CLHC1: variants seen among roughly 807,000 people sequenced by gnomAD.
CLHC1 encodes the protein clathrin heavy chain linker domain containing 1, also known as clathrin heavy chain linker domain-containing protein 1.
Under a neutral mutation model 69.5 loss-of-function variants are expected in CLHC1, and 72 were observed. The observed-to-expected ratio is 1.04, with a 90% CI of 0.86 to 1.26. CLHC1 has a LOEUF of 1.26. CLHC1 is among the 50% of genes most tolerant of loss of function. The pLI is 0.00. For missense variants in CLHC1, 790 were observed against 679.3 expected, an observed-to-expected ratio of 1.16 and a Z score of -1.81; for synonymous variants, 223 against 224.3, an observed-to-expected ratio of 0.99 and a Z score of 0.05.
In CLHC1 at chr2:55,228,090, T is replaced by A. The variant is rs1170621518; in HGVS notation, c.-141A>T. 2.6e-5 allele frequency: 4 copies of A among 152,296 alleles called. No homozygotes were observed. Among genetic ancestry groups the A allele is most frequent in the Admixed American group, 2.6e-4 (4 of 15,274 alleles). 9.4% of individuals were successfully genotyped at this position (152,296 alleles called of 1,614,324 possible). A position where few individuals can be genotyped will look rare whatever the true frequency, so the allele number is the denominator to read the frequency against. ...CTGTCCTGGATTCCCTTAAAATTGG[T>A]CAGATGCCACTGCTATGTTCTCCCA... On this transcript the variant is annotated 5_prime_UTR_variant, in exon 2 of 13. The change abolishes the stop of an existing upstream ORF in the 5' untranslated region. Transcript: ENST00000401408.
At chr2:55,182,180 G>T (rs1670000087) in intron 9 of CLHC1, among the ~76,000 whole-genome samples, 1 of 152,012 alleles carries the variant, frequency 6.6e-6, no homozygotes, top group Non-Finnish European at 1.5e-5. Flanking sequence ...GAGAACAAAA[G>T]GTGCAGCTGC....
At chr2:55,216,677 C>G (rs1425042608) in intron 4 of CLHC1, among the ~76,000 whole-genome samples, 1 of 150,400 alleles carries the variant, frequency 6.6e-6, no homozygotes, top group Non-Finnish European at 1.5e-5. Context: ...GGGACCACAC[C>G]CAGCTAATTT....
chr2:55,202,689 G>A (rs1302360391), intron 9 of CLHC1, among the ~76,000 whole-genome samples: 2 of 152,002 alleles, frequency 1.3e-5, no homozygotes, highest in African/African-American at 4.8e-5. Flanking sequence ...TTGAGGTCAG[G>A]AGTTCAAGAC....
Position 55,177,710 on chromosome 2 carries a change from C to T in CLHC1, c.1456G>A (p.Glu486Lys). Residue 486 changes from glutamate (E) to lysine (K), a missense_variant, in exon 12 of 13, where the codon GAG becomes AAG. Transcript: ENST00000401408. ...LIQCLTKELN[E>K]KQPSLSFGLA... ...CCAAAAGATAAAGATGGTTGTTTCT[C>T]ATTCAACTCTTTAGTGAGACACTGA... is the stretch of plus-strand genomic sequence containing the variant. 6.2e-7 allele frequency: 1 copy of T among 1,613,108 alleles called. No homozygotes were observed. Among genetic ancestry groups the T allele is most frequent in the Non-Finnish European group, 8.5e-7 (1 of 1,179,268 alleles).
intron 2 of CLHC1, chr2:55,224,553 G>A: frequency 3.5e-6 from 1 of 285,426 alleles, no homozygotes; most frequent in Non-Finnish European, 7.2e-6. Context: ...CTGCCACAGG[G>A]CGACATGCAC....
intron 9 of CLHC1, among the ~76,000 whole-genome samples, chr2:55,187,771 A>G (rs1234040612): frequency 6.6e-6 from 1 of 152,194 alleles, no homozygotes; most frequent in South Asian, 2.1e-4. Flanking sequence ...GGACTTTTAC[A>G]TAATACATAA....
At chr2:55,188,860 T>C (rs1670663338) in intron 9 of CLHC1, among the ~76,000 whole-genome samples, 1 of 152,136 alleles carries the variant, frequency 6.6e-6, no homozygotes, top group South Asian at 2.1e-4. Flanking sequence ...CAGGAACACA[T>C]GCAGGATTAA....
In CLHC1 at chr2:55,173,326, T is replaced by C. The variant is rs6545476; in HGVS notation, c.*2464A>G. Among the ~76,000 whole-genome samples the C allele has an allele frequency of 0.98, 148,651 of 152,344 alleles. 72,562 individuals carry two copies. Among genetic ancestry groups the C allele is most frequent in the African/African-American group, 0.99 (41,190 of 41,574 alleles). On this transcript the variant is annotated 3_prime_UTR_variant, in exon 13 of 13. Coordinates refer to ENST00000401408, the MANE Select transcript of CLHC1 (RefSeq NM_152385.4). ...TATTATTAGTAACTTTTAAAATACG[T>C]TGTGTGTTTCCATTAAGGTTGTAAT...
chr2:55,194,255 C>T (rs995267075), intron 9 of CLHC1, among the ~76,000 whole-genome samples: 1 of 151,770 alleles, frequency 6.6e-6, no homozygotes, highest in Admixed American at 6.6e-5. Flanking sequence ...GGAGTTTTTC[C>T]CACAAAGGCA....
intron 1 of CLHC1, among the ~76,000 whole-genome samples, chr2:55,230,084 A>G (rs1431200778): frequency 6.6e-6 from 1 of 152,238 alleles, no homozygotes; most frequent in African/African-American, 2.4e-5. Flanking sequence ...AAAAAAAGAA[A>G]AAAAAGAATT....
intron 2 of CLHC1, chr2:55,224,497 C>T (rs2164714): frequency 0.42 from 149,109 of 358,288 alleles, 33,490 homozygotes; most frequent in East Asian, 0.49. Context: ...GGCTGTGTGG[C>T]CAGTGTACTC....
chr2:55,199,239 G>C lies in CLHC1; in HGVS notation c.1006+7031C>G, dbSNP rs370373013. On this transcript the variant is annotated intron_variant, in intron 9 of 12. Coordinates refer to ENST00000401408, the MANE Select transcript of CLHC1 (RefSeq NM_152385.4). ...TTGAACCCAGGAGGTGGAGGTTGCA[G>C]TGAGCTGAGATCATGCCACTGCACT... 7.6e-5 allele frequency among the ~76,000 whole-genome samples: 10 copies of C among 131,892 alleles called. No homozygotes were observed. In the East Asian group the frequency reaches 1.4e-3, roughly 18 times the overall value. The allele number at this position is 131,892 out of a possible 152,430, so 86.5% of individuals were successfully genotyped here. A position where few individuals can be genotyped will look rare whatever the true frequency, so the allele number is the denominator to read the frequency against.
Position 55,174,524 on chromosome 2 carries a change from C to T in CLHC1, c.*1266G>A, listed in dbSNP as rs1286128275. Among the ~76,000 whole-genome samples the T allele has an allele frequency of 6.6e-6, 1 of 152,172 alleles. No individual in the cohort carries two copies. Among genetic ancestry groups the T allele is most frequent in the Non-Finnish European group, 1.5e-5 (1 of 68,028 alleles). On this transcript the variant is annotated 3_prime_UTR_variant, in exon 13 of 13. Coordinates refer to ENST00000401408, the MANE Select transcript of CLHC1 (RefSeq NM_152385.4). ...TACAGCTATCTTTTCCTAAGTTCCT[C>T]TATCATGTTATACACTTACACTACA...
intron 2 of CLHC1, chr2:55,224,700 A>G: frequency 3.8e-6 from 1 of 261,692 alleles, no homozygotes. Context: ...GAAGACTGGA[A>G]AGGAGTGCAG....
At chr2:55,193,798 G>A (rs1037995186) in intron 9 of CLHC1, among the ~76,000 whole-genome samples, 1 of 152,038 alleles carries the variant, frequency 6.6e-6, no homozygotes, top group Admixed American at 6.6e-5. Flanking sequence ...ATAAAAATAT[G>A]TAACCACACA....
chr2:55,229,169 AG>A (rs1675015153), intron 1 of CLHC1, among the ~76,000 whole-genome samples: 3 of 140,894 alleles, frequency 2.1e-5, no homozygotes, highest in Non-Finnish European at 1.5e-5. Context: ...AAAAAAAAAA[AG>A]AAAGAAAAAA....
intron 10 of CLHC1, 118 bp from the exon 11 acceptor site, chr2:55,180,830 A>C: frequency 1.4e-6 from 1 of 703,978 alleles, no homozygotes; most frequent in Non-Finnish European, 2.4e-6. Context: ...TAAGAATTCC[A>C]AGTTACAATT....
In CLHC1 at chr2:55,173,067, C is replaced by T. The variant is rs1457159074; in HGVS notation, c.*2723G>A. 2.0e-5 allele frequency among the ~76,000 whole-genome samples: 3 copies of T among 152,118 alleles called. No homozygotes were observed. Among genetic ancestry groups the T allele is most frequent in the Non-Finnish European group, 4.4e-5 (3 of 68,018 alleles). ...CCTCACTGGTATGGTAGAAAGAAAACCTAATATGAAATCAGAGAAACTTAG... is the reference window on the plus strand; with the variant it reads ...CCTCACTGGTATGGTAGAAAGAAAATCTAATATGAAATCAGAGAAACTTAG... On this transcript the variant is annotated 3_prime_UTR_variant, in exon 13 of 13. Coordinates refer to ENST00000401408, the MANE Select transcript of CLHC1 (RefSeq NM_152385.4).
intron 11 of CLHC1, among the ~76,000 whole-genome samples, chr2:55,178,764 A>G (rs1011289769): frequency 1.3e-5 from 2 of 152,130 alleles, no homozygotes; most frequent in African/African-American, 2.4e-5. Flanking sequence ...TTCAAGGACT[A>G]CCCGAAACAT....
Sources: allele counts gnomAD v4.1 joint callset (sites outside exome capture counted in the v4.1 genomes callset), GRCh38; gene constraint gnomAD v4.1.1; transcripts MANE v1.5; gene names NCBI Gene and HGNC (gene_info 2026-07-23, HGNC 2026-07-21).